POC1A: variants seen among roughly 807,000 people sequenced by gnomAD.
The protein encoded by POC1A is POC1 centriolar protein homolog A.
Under a neutral mutation model 47.8 loss-of-function variants are expected in POC1A, and 34 were observed. The observed-to-expected ratio is 0.71, with a 90% CI of 0.54 to 0.95. The LOEUF (loss-of-function observed/expected upper bound fraction) is 0.95, where lower values mean the gene tolerates loss of function less well. Among genes scored for constraint, POC1A ranks in the 40% least tolerant of loss-of-function variants. The probability of loss-of-function intolerance (pLI) is 0.00; values close to 1 mark genes in which losing one functional copy is unlikely to be tolerated. For missense variants in POC1A, 466 were observed against 528.3 expected, an observed-to-expected ratio of 0.88 and a Z score of 1.16; for synonymous variants, 177 against 207.6, an observed-to-expected ratio of 0.85 and a Z score of 1.27.
At chr3:52,118,419 G>A (rs1703652163) in intron 9 of POC1A, among the ~76,000 whole-genome samples, 1 of 152,214 alleles carries the variant, frequency 6.6e-6, no homozygotes, top group African/African-American at 2.4e-5. Context: ...AAAATAAGCT[G>A]TGAATTTCAA....
intron 6 of POC1A, among the ~76,000 whole-genome samples, chr3:52,143,779 C>G (rs1279008487): frequency 6.6e-6 from 1 of 152,226 alleles, no homozygotes; most frequent in Non-Finnish European, 1.5e-5. Context: ...AGGCTCTGGA[C>G]ACCGCTATCC....
chr3:52,138,623 T>C (rs941458404), intron 6 of POC1A, among the ~76,000 whole-genome samples: 1 of 152,234 alleles, frequency 6.6e-6, no homozygotes, highest in South Asian at 2.1e-4. Context: ...TGGAGCAGAA[T>C]AGAGTACTCA....
intron 6 of POC1A, among the ~76,000 whole-genome samples, chr3:52,139,731 A>T (rs1304826830): frequency 3.3e-5 from 5 of 152,162 alleles, no homozygotes; most frequent in African/African-American, 1.2e-4. Flanking sequence ...ACCGAGCAGG[A>T]CTCAGAAAGT....
intron 4 of POC1A, among the ~76,000 whole-genome samples, chr3:52,148,683 A>G (rs2107201700): frequency 6.6e-6 from 1 of 152,304 alleles, no homozygotes; most frequent in East Asian, 1.9e-4. Flanking sequence ...GAGCAAAATC[A>G]TCCCCTGAGA....
In POC1A at chr3:52,151,066, T is replaced by A. The variant is rs1336643735; in HGVS notation, c.53A>T (p.His18Leu). ...GTCCACACAGGTAACTGCATCTCGG[T>A]GGCCCTTAAAATGCCTTTCCAGCGA... ...DPSLERHFKG[H>L]RDAVTCVDFS... The change falls in exon 2 of 11, where the codon CAC becomes CTC. Residue 18 changes from histidine (H) to leucine (L), a missense_variant. Coordinates refer to ENST00000296484, the MANE Select transcript of POC1A (RefSeq NM_015426.5). The A allele has an allele frequency of 6.2e-7, 1 of 1,613,890 alleles. No individual in the cohort carries two copies. Among genetic ancestry groups the A allele is most frequent in the African/African-American group, 1.3e-5 (1 of 74,900 alleles).
rs781089459 is a variant in POC1A, at chr3:52,122,361, G to A, written c.981+18C>T. The A allele has an allele frequency of 1.4e-6, 2 of 1,480,940 alleles. No homozygotes were observed. Among genetic ancestry groups the A allele is most frequent in the Non-Finnish European group, 1.9e-6 (2 of 1,059,140 alleles). 91.7% of individuals were successfully genotyped at this position (1,480,940 alleles called of 1,614,324 possible). ...ACCAGAGTCACAGAGCTCAGGACAT[G>A]CCTGCCAAGCCACTTACCAGATTCC... On this transcript the variant is annotated intron_variant, in intron 9 of 10. Coordinates refer to ENST00000296484, the MANE Select transcript of POC1A (RefSeq NM_015426.5).
Position 52,149,985 on chromosome 3 carries a change from T to A in POC1A, c.106A>T (p.Ser36Cys). ...ATGAGGCATGAGTCCATGGAGCCAC[T>A]GGCTGAGGACAGTGGGTGATGCTAT... ...DFSINTKQLA[S>C]GSMDSCLMVW... Residue 36 changes from serine (S) to cysteine (C), a missense_variant and splice_region_variant, in exon 3 of 11, where the codon AGT becomes TGT. Transcript: ENST00000296484. 2 of 1,612,906 alleles carry A rather than the reference T, an allele frequency of 1.2e-6. No individual in the cohort carries two copies. Among genetic ancestry groups the A allele is most frequent in the East Asian group, 4.5e-5 (2 of 44,870 alleles).
chr3:52,134,995 T>C (rs76747727), intron 7 of POC1A, among the ~76,000 whole-genome samples: 5 of 152,188 alleles, frequency 3.3e-5, no homozygotes, highest in East Asian at 1.9e-4. Context: ...CAGAACAGAA[T>C]GTGAAAGATG....
intron 3 of POC1A, 23 bp downstream of exon 3, chr3:52,149,793 C>A: frequency 6.2e-7 from 1 of 1,602,570 alleles, no homozygotes; most frequent in Non-Finnish European, 8.5e-7. Context: ...CTCCAACAAG[C>A]CTCCTCAAAG....
At chr3:52,128,220 G>C (rs1259187415) in intron 7 of POC1A, among the ~76,000 whole-genome samples, 7 of 152,174 alleles carry the variant, frequency 4.6e-5, no homozygotes, top group Admixed American at 2.0e-4. Flanking sequence ...AATACTTGCA[G>C]GTCACTCTCC....
At chr3:52,089,927 C>G (rs755540499) in intron 10 of POC1A, among the ~76,000 whole-genome samples, 58 of 142,558 alleles carry the variant, frequency 4.1e-4, no homozygotes, top group Non-Finnish European at 7.7e-4. Context: ...CTCACCTGAG[C>G]AGCCCGTCAA....
chr3:52,142,310 G>T (rs1483126940), intron 6 of POC1A, among the ~76,000 whole-genome samples: 1 of 152,234 alleles, frequency 6.6e-6, no homozygotes, highest in African/African-American at 2.4e-5. Flanking sequence ...CCACCACAGG[G>T]ATTGGCACTC....
chr3:52,086,669 G>A (rs1702465307), intron 10 of POC1A, among the ~76,000 whole-genome samples: 1 of 152,232 alleles, frequency 6.6e-6, no homozygotes, highest in South Asian at 2.1e-4. Context: ...TCTGCAGACA[G>A]GGCCTGCAGC....
intron 9 of POC1A, among the ~76,000 whole-genome samples, chr3:52,100,197 T>C (rs1311398439): frequency 1.3e-5 from 2 of 152,244 alleles, no homozygotes; most frequent in East Asian, 3.8e-4. Flanking sequence ...CTGTGGCTGA[T>C]ACTCAGCTAC....
At chr3:52,122,928 C>A (rs1703844027) in intron 8 of POC1A, among the ~76,000 whole-genome samples, 1 of 152,348 alleles carries the variant, frequency 6.6e-6, no homozygotes, top group East Asian at 1.9e-4. Flanking sequence ...TATCATCTGC[C>A]TCTGAACTAA....
Position 52,090,178 on chromosome 3 carries a change from C to T in POC1A, c.1125+6391G>A, listed in dbSNP as rs1409270050. ...CTCCCCACCGCATGCATTTTCAAGT[C>T]CTGGAGCCCAGCAGCCTCCATGAGT... On this transcript the variant is annotated intron_variant, in intron 10 of 10. Transcript: ENST00000296484. The surrounding 1 kb of genome is among the most constrained non-coding windows in gnomAD (Gnocchi z 4.2). Among the ~76,000 whole-genome samples the T allele has an allele frequency of 6.6e-6, 1 of 152,178 alleles. No individual in the cohort carries two copies. The highest frequency in any genetic ancestry group is 1.5e-5 in the Non-Finnish European group (1 of 68,038).
In POC1A at chr3:52,103,109, G is replaced by A. The variant is rs973068879; in HGVS notation, c.982-6397C>T. Reference sequence around the variant, plus strand: ...TGCACAAACAACTTAGTACAGACAAGTTAGTATTTCCAACAGTTGATTAAA... The same window carrying A: ...TGCACAAACAACTTAGTACAGACAAATTAGTATTTCCAACAGTTGATTAAA... On this transcript the variant is annotated intron_variant, in intron 9 of 10. Transcript: ENST00000296484. Among the ~76,000 whole-genome samples, 3 of 152,226 alleles carry A rather than the reference G, an allele frequency of 2.0e-5. No individual in the cohort carries two copies. The East Asian group carries it at 5.8e-4, about 29-fold the overall frequency.
chr3:52,078,520 T>C (rs1028244054), intron 10 of POC1A, among the ~76,000 whole-genome samples: 1 of 147,178 alleles, frequency 6.8e-6, no homozygotes, highest in Non-Finnish European at 1.5e-5. Flanking sequence ...TTTTTTTTTT[T>C]TTTTTTTTAA....
intron 10 of POC1A, among the ~76,000 whole-genome samples, chr3:52,089,016 C>G (rs1702556416): frequency 6.6e-6 from 1 of 151,624 alleles, no homozygotes; most frequent in Non-Finnish European, 1.5e-5. Flanking sequence ...TCTGCAGCCT[C>G]TTTGGAAGGG....
Sources: gnomAD v4.1 joint callset for allele counts (sites outside exome capture counted in the v4.1 genomes callset) on GRCh38, gnomAD v4.1.1 for gene constraint, Gnocchi (gnomAD v3.1) non-coding constraint, MANE v1.5 for transcripts, NCBI Gene and HGNC (gene_info 2026-07-23, HGNC 2026-07-21) for gene names.